The following COLEC10 variants were observed in gnomAD, a reference collection of about 807,000 sequenced individuals.
COLEC10 encodes the protein collectin subfamily member 10.
Under a neutral mutation model 28.4 loss-of-function variants are expected in COLEC10, and 22 were observed. The observed-to-expected ratio is 0.78, with a 90% CI of 0.55 to 1.11. The LOEUF (loss-of-function observed/expected upper bound fraction) is 1.11, where lower values mean the gene tolerates loss of function less well. Ranked by LOEUF, COLEC10 falls within the 50% of genes least tolerant of loss-of-function variation. The pLI, the probability that COLEC10 is intolerant of heterozygous loss-of-function variation, is 0.00. For missense variants in COLEC10, 361 were observed against 344.1 expected (o/e 1.05, Z -0.39); for synonymous variants, 125 against 116.1 (o/e 1.08, Z -0.49).
At chr8:119,087,740 A>G (rs1042728079) in intron 1 of COLEC10, among the ~76,000 whole-genome samples, 1 of 152,134 alleles carries the variant, frequency 6.6e-6, no homozygotes, top group Non-Finnish European at 1.5e-5. Flanking sequence ...ATCTGCTAAG[A>G]GTCACAGAAC....
At chr8:119,038,321 C>G (rs1814428354) in intron 2 of COLEC10, among the ~76,000 whole-genome samples, 1 of 152,190 alleles carries the variant, frequency 6.6e-6, no homozygotes, top group Admixed American at 6.5e-5. Flanking sequence ...AAAATATTTA[C>G]TTTCCTTGCT....
the COLEC10 span, among the ~76,000 whole-genome samples, chr8:118,977,452 G>A: frequency 1.4e-5 from 2 of 146,542 alleles, no homozygotes; most frequent in Non-Finnish European, 3.0e-5. Flanking sequence ...CCTTTGTAGG[G>A]ACATGGATGA....
At chr8:118,990,837 T>G (rs17758222), upstream of COLEC10, among the ~76,000 whole-genome samples, 10,257 of 151,180 alleles carry the variant, frequency 0.068, 608 homozygotes, top group East Asian at 0.17. Flanking sequence ...AAACTGAGAG[T>G]CCCAGAGCTA....
At chr8:118,997,236 A>G (rs1475054026) in intron 1 of COLEC10, among the ~76,000 whole-genome samples, 1 of 152,196 alleles carries the variant, frequency 6.6e-6, no homozygotes, top group Non-Finnish European at 1.5e-5. Flanking sequence ...GTTTACAAAT[A>G]TTTCCTACAA....
intron 1 of COLEC10, among the ~76,000 whole-genome samples, chr8:119,088,029 C>A (rs554586127): frequency 1.3e-5 from 2 of 152,016 alleles, no homozygotes; most frequent in Admixed American, 1.3e-4. Flanking sequence ...AAAATGTAAT[C>A]TACAGGAGGA....
chr8:119,105,693 A>C lies in COLEC10; in HGVS notation c.443-107A>C, dbSNP rs78345659. ...CCTCATAATAGGGCTTTGAAAAATA[A>C]TTCTTGAATATTGAATAAATAAATG... is the stretch of plus-strand genomic sequence containing the variant. On this transcript the variant is annotated intron_variant, in intron 5 of 5. Transcript: ENST00000332843. 1.8e-3 allele frequency: 1,888 copies of C among 1,078,694 alleles called. 28 individuals are homozygous for C. The African/African-American group carries it at 0.027, about 16-fold the overall frequency. The allele number at this position is 1,078,694 out of a possible 1,614,324, so 66.8% of individuals were successfully genotyped here. A position where few individuals can be genotyped will look rare whatever the true frequency, so the allele number is the denominator to read the frequency against.
chr8:118,962,795 A>T, the COLEC10 span, among the ~76,000 whole-genome samples: 1 of 152,188 alleles, frequency 6.6e-6, no homozygotes, highest in African/African-American at 2.4e-5. Flanking sequence ...CCCTCAGCAA[A>T]CACTATTGTA....
intron 1 of COLEC10, among the ~76,000 whole-genome samples, chr8:118,996,797 C>A (rs1238516604): frequency 1.3e-5 from 2 of 152,128 alleles, no homozygotes; most frequent in African/African-American, 4.8e-5. Context: ...TCTAGTGAGG[C>A]TTCAGGGAGC....
intron 1 of COLEC10, 118 bp downstream of exon 1, chr8:119,067,547 T>A: frequency 1.0e-6 from 1 of 966,640 alleles, no homozygotes; most frequent in South Asian, 1.9e-5. Context: ...TCCTCCCATT[T>A]TCCTTCTATT....
chr8:119,042,292 C>G (rs576083145), intron 2 of COLEC10, among the ~76,000 whole-genome samples: 1 of 152,064 alleles, frequency 6.6e-6, no homozygotes, highest in African/African-American at 2.4e-5. Context: ...GCCACTGCAC[C>G]CAGCCGAAGC....
chr8:118,962,050 G>A, the COLEC10 span, among the ~76,000 whole-genome samples: 2 of 152,114 alleles, frequency 1.3e-5, no homozygotes, highest in Non-Finnish European at 1.5e-5. Flanking sequence ...CACTCCCACA[G>A]GGCAGTGGTG....
the COLEC10 span, among the ~76,000 whole-genome samples, chr8:118,960,920 G>C: frequency 6.6e-6 from 1 of 151,790 alleles, no homozygotes; most frequent in Non-Finnish European, 1.5e-5. Context: ...TTTGGAAACA[G>C]AATCTGCTTC....
At chr8:119,105,728 C>A (rs1462664155) in intron 5 of COLEC10, 72 bp from the exon 6 acceptor site, 7 of 1,270,300 alleles carry the variant, frequency 5.5e-6, no homozygotes, top group Non-Finnish European at 7.6e-6. Context: ...GTAAATCTGG[C>A]AATATCATAT....
intron 2 of COLEC10, among the ~76,000 whole-genome samples, chr8:119,055,744 C>T (rs565833840): frequency 4.6e-4 from 70 of 152,182 alleles, no homozygotes; most frequent in African/African-American, 1.6e-3. Context: ...CCTTTTTGCA[C>T]TGCCAAAACA....
At chr8:119,084,487 A>G (rs1815430728) in intron 1 of COLEC10, among the ~76,000 whole-genome samples, 1 of 152,206 alleles carries the variant, frequency 6.6e-6, no homozygotes, top group South Asian at 2.1e-4. Context: ...TTTGTTTTCA[A>G]AGGACTTAGG....
rs984359283 is a variant in COLEC10 at position 119,107,697 on chromosome 8, G to C, written c.*1506G>C. ...GACTTACCTAAATGAAGTGGAACAC[G>C]TGGGGACCCTAGTGCACTGAGCACA... On this transcript the variant is annotated 3_prime_UTR_variant, in exon 6 of 6. Transcript: ENST00000332843. Among the ~76,000 whole-genome samples the C allele has an allele frequency of 4.6e-5, 7 of 152,144 alleles. No individual in the cohort carries two copies. Among genetic ancestry groups the C allele is most frequent in the African/African-American group, 7.2e-5 (3 of 41,452 alleles).
chr8:118,954,330 A>G, the COLEC10 span, among the ~76,000 whole-genome samples: 1 of 152,228 alleles, frequency 6.6e-6, no homozygotes, highest in African/African-American at 2.4e-5. Flanking sequence ...AGAGACCATG[A>G]ATTATCAGTC....
chr8:119,018,741 C>T (rs528822899), intron 2 of COLEC10, among the ~76,000 whole-genome samples: 20 of 152,242 alleles, frequency 1.3e-4, no homozygotes, highest in Admixed American at 3.3e-4. Flanking sequence ...CATGTAGAAA[C>T]ATTACTGGAA....
intron 2 of COLEC10, among the ~76,000 whole-genome samples, chr8:119,023,872 G>C (rs188360497): frequency 0.044 from 6,684 of 152,120 alleles, 216 homozygotes; most frequent in East Asian, 0.16. Context: ...GCAAAAGCAC[G>C]TGTTTTGGTT....
Sources: allele counts gnomAD v4.1 joint callset (sites outside exome capture counted in the v4.1 genomes callset), GRCh38; gene constraint gnomAD v4.1.1; transcripts MANE v1.5; gene names NCBI Gene and HGNC (gene_info 2026-07-23, HGNC 2026-07-21).